PXDNL: variants seen among roughly 807,000 people sequenced by gnomAD.
PXDNL encodes peroxidasin like, also known as probable oxidoreductase PXDNL.
A neutral mutation model predicts 150.8 loss-of-function variants in PXDNL; 145 were observed. The ratio of observed to expected loss-of-function variants is 0.96; its 90% confidence interval spans 0.84 to 1.10. The LOEUF is 1.10. Among genes scored for constraint, PXDNL ranks in the 50% least tolerant of loss-of-function variants. The probability of loss-of-function intolerance (pLI) is 0.00; values close to 1 mark genes in which losing one functional copy is unlikely to be tolerated. For missense variants in PXDNL, 2,087 were observed against 1,873.9 expected, an observed-to-expected ratio of 1.11 and a Z score of -2.10; for synonymous variants, 757 against 725.7, an observed-to-expected ratio of 1.04 and a Z score of -0.69.
intron 2 of PXDNL, among the ~76,000 whole-genome samples, chr8:51,627,991 A>G (rs544242094): frequency 6.6e-6 from 1 of 152,310 alleles, no homozygotes; most frequent in Non-Finnish European, 1.5e-5. Context: ...TAAAGCCAAA[A>G]AACAACTCAG....
chr8:51,547,029 C>G (rs1450711447), intron 4 of PXDNL, among the ~76,000 whole-genome samples: 1 of 152,144 alleles, frequency 6.6e-6, no homozygotes, highest in African/African-American at 2.4e-5. Context: ...CGGTACTGCC[C>G]AATCCTGCCC....
At chr8:51,460,615 G>A (rs879558157) in intron 8 of PXDNL, among the ~76,000 whole-genome samples, 7 of 151,500 alleles carry the variant, frequency 4.6e-5, no homozygotes, top group Admixed American at 4.6e-4. Context: ...GTCGCCAAGT[G>A]CCAAGACCCG....
intron 12 of PXDNL, among the ~76,000 whole-genome samples, chr8:51,435,158 A>G (rs1809361000): frequency 6.6e-6 from 1 of 152,076 alleles, no homozygotes; most frequent in African/African-American, 2.4e-5. Context: ...TCTCTACTAA[A>G]AACACAAAAA....
intron 2 of PXDNL, among the ~76,000 whole-genome samples, chr8:51,610,617 G>C (rs1162868922): frequency 6.6e-6 from 1 of 152,104 alleles, no homozygotes; most frequent in Non-Finnish European, 1.5e-5. Context: ...TATCTCAATT[G>C]GTTTAGGAGT....
At chr8:51,808,878 T>C (rs926688243) in intron 1 of PXDNL, among the ~76,000 whole-genome samples, 10 of 152,070 alleles carry the variant, frequency 6.6e-5, no homozygotes, top group African/African-American at 1.9e-4. Flanking sequence ...TAGGAATAAA[T>C]TGAGAAAGTA....
chr8:51,574,070 A>G (rs1233341922), intron 3 of PXDNL, among the ~76,000 whole-genome samples: 1 of 152,018 alleles, frequency 6.6e-6, no homozygotes, highest in Non-Finnish European at 1.5e-5. Context: ...CTAGCAAAGT[A>G]ATACAGATGA....
chr8:51,348,082 A>G (rs575381382), intron 19 of PXDNL, among the ~76,000 whole-genome samples: 1 of 152,288 alleles, frequency 6.6e-6, no homozygotes, highest in South Asian at 2.1e-4. Context: ...ATAAAAGTGG[A>G]TAAGGCATGG....
chr8:51,538,010 A>G (rs1812122560), intron 4 of PXDNL, among the ~76,000 whole-genome samples: 1 of 152,212 alleles, frequency 6.6e-6, no homozygotes, highest in Admixed American at 6.5e-5. Context: ...TTTCTCATCA[A>G]ATGTATCTCA....
intron 5 of PXDNL, among the ~76,000 whole-genome samples, chr8:51,489,343 T>C (rs77853019): frequency 0.056 from 8,561 of 152,266 alleles, 391 homozygotes; most frequent in East Asian, 0.26. Flanking sequence ...TAGAGACAGG[T>C]TCTCACCCTT....
chr8:51,393,949 G>C (rs1302601407), intron 17 of PXDNL, among the ~76,000 whole-genome samples: 1 of 152,096 alleles, frequency 6.6e-6, no homozygotes, highest in Non-Finnish European at 1.5e-5. Context: ...TCTATTTTAT[G>C]GTAATTCATT....
intron 4 of PXDNL, among the ~76,000 whole-genome samples, chr8:51,527,984 G>T (rs1811803672): frequency 6.6e-6 from 1 of 152,116 alleles, no homozygotes; most frequent in African/African-American, 2.4e-5. Context: ...ATGTGCCCCA[G>T]TTTCCTCATC....
At chr8:51,586,585 A>G (rs1430392936) in intron 3 of PXDNL, among the ~76,000 whole-genome samples, 1 of 152,188 alleles carries the variant, frequency 6.6e-6, no homozygotes, top group Non-Finnish European at 1.5e-5. Context: ...AGCTTACACT[A>G]TTAAAGGTCA....
At chr8:51,434,873 AG>A (rs1294863993) in intron 12 of PXDNL, among the ~76,000 whole-genome samples, 2 of 152,220 alleles carry the variant, frequency 1.3e-5, no homozygotes, top group African/African-American at 4.8e-5. Context: ...TACAGAGATG[AG>A]GTAGTAAAAA....
intron 2 of PXDNL, among the ~76,000 whole-genome samples, chr8:51,648,860 T>C (rs759119027): frequency 2.0e-5 from 3 of 152,240 alleles, no homozygotes; most frequent in African/African-American, 4.8e-5. Context: ...AATGATTTCA[T>C]GTGTTTTTAC....
chr8:51,636,846 G>C (rs898427271), intron 2 of PXDNL, among the ~76,000 whole-genome samples: 8 of 150,562 alleles, frequency 5.3e-5, no homozygotes, highest in African/African-American at 2.0e-4. Context: ...CCTGAGTAGT[G>C]GTTCTCCCAG....
chr8:51,452,763 C>A (rs949489928), intron 10 of PXDNL, among the ~76,000 whole-genome samples: 1 of 152,146 alleles, frequency 6.6e-6, no homozygotes. Flanking sequence ...GCCCCTAAAA[C>A]GGATCATGTA....
intron 19 of PXDNL, among the ~76,000 whole-genome samples, chr8:51,350,352 T>TGC (rs1228144223): frequency 0.01 from 993 of 94,796 alleles, 11 homozygotes; most frequent in Non-Finnish European, 0.017. Flanking sequence ...CAAATGCAGC[T>TGC]TCTTTTTTTT....
At chr8:51,394,355 A>T (rs1411663474) in intron 17 of PXDNL, among the ~76,000 whole-genome samples, 1 of 152,202 alleles carries the variant, frequency 6.6e-6, no homozygotes, top group Non-Finnish European at 1.5e-5. Flanking sequence ...AACAAGAAAA[A>T]TATGGCTTCC....
At chr8:51,510,009 C>G (rs568157346) in intron 4 of PXDNL, among the ~76,000 whole-genome samples, 2 of 152,062 alleles carry the variant, frequency 1.3e-5, no homozygotes, top group Admixed American at 1.3e-4. Context: ...GCAAAAGACA[C>G]CCATTAAAAC....
Sources: gnomAD v4.1 joint callset for allele counts (sites outside exome capture counted in the v4.1 genomes callset) on GRCh38, gnomAD v4.1.1 for gene constraint, MANE v1.5 for transcripts, NCBI Gene and HGNC (gene_info 2026-07-23, HGNC 2026-07-21) for gene names.